The following CR1L variants were observed in gnomAD, a reference collection of about 807,000 sequenced individuals.
The protein encoded by CR1L is complement component receptor 1-like protein.
CR1L carries 59 observed loss-of-function variants against 62.3 expected under a neutral mutation model. The observed-to-expected ratio is 0.95, with a 90% CI of 0.77 to 1.18. CR1L has a LOEUF of 1.18. CR1L is among the 50% of genes most tolerant of loss of function. The probability of loss-of-function intolerance (pLI) is 0.00; values close to 1 mark genes in which losing one functional copy is unlikely to be tolerated. For missense variants in CR1L, 700 were observed against 702.8 expected (o/e 1.00, Z 0.04); for synonymous variants, 279 against 248.7 (o/e 1.12, Z -1.15).
At chr1:207,669,905 G>T (rs1663584272) in intron 1 of CR1L, among the ~76,000 whole-genome samples, 1 of 151,192 alleles carries the variant, frequency 6.6e-6, no homozygotes. Flanking sequence ...GCGTGGCGTC[G>T]ATCCTAGCGA....
chr1:207,722,690 C>T (rs530499343), intron 11 of CR1L, among the ~76,000 whole-genome samples: 4 of 152,020 alleles, frequency 2.6e-5, no homozygotes, highest in Non-Finnish European at 4.4e-5. Context: ...TATGTGAACA[C>T]CCAATAAAAA....
intron 10 of CR1L, among the ~76,000 whole-genome samples, chr1:207,711,821 C>T (rs1322349403): frequency 4.6e-5 from 7 of 151,914 alleles, no homozygotes; most frequent in Non-Finnish European, 1.0e-4. Flanking sequence ...ATCACTTGAA[C>T]CTGGGACGCG....
chr1:207,699,381 T>G, intron 8 of CR1L, 107 bp downstream of exon 8: 1 of 1,368,178 alleles, frequency 7.3e-7, no homozygotes, highest in Non-Finnish European at 1.0e-6. Flanking sequence ...ATCTGAATTA[T>G]TGATTTGAAA....
At chr1:207,661,168 G>T (rs1663414505) in intron 1 of CR1L, among the ~76,000 whole-genome samples, 2 of 152,140 alleles carry the variant, frequency 1.3e-5, no homozygotes, top group African/African-American at 4.8e-5. Flanking sequence ...GGTCTGCTTG[G>T]TGCAGAGCTG....
intron 3 of CR1L, 48 bp downstream of exon 3, chr1:207,678,345 AC>A: frequency 6.8e-7 from 1 of 1,470,016 alleles, no homozygotes; most frequent in South Asian, 1.1e-5. Flanking sequence ...AAGGGTTCTA[AC>A]ACAGCCATAC....
chr1:207,710,641 G>A lies in CR1L; in HGVS notation c.1414+2378G>A, dbSNP rs577235329. On this transcript the variant is annotated intron_variant, in intron 10 of 11. Coordinates refer to ENST00000508064, the MANE Select transcript of CR1L (RefSeq NM_175710.2). ...CAAATGTGGAAAATGGAATATTGGTGTCTGACAACAGAAGCTTATTTTCCT... is the reference window on the plus strand; with the variant it reads ...CAAATGTGGAAAATGGAATATTGGTATCTGACAACAGAAGCTTATTTTCCT... The A allele has an allele frequency of 2.3e-4, 375 of 1,610,092 alleles. 4 individuals carry two copies. The East Asian group carries it at 3.6e-3, about 16-fold the overall frequency.
chr1:207,670,834 G>T (rs1488607282), intron 1 of CR1L, among the ~76,000 whole-genome samples: 2 of 151,102 alleles, frequency 1.3e-5, no homozygotes, highest in Non-Finnish European at 2.9e-5. Context: ...GCTTACTGAG[G>T]TTCTCACAAT....
At chr1:207,677,607 A>C (rs145537753) in intron 2 of CR1L, 39 bp downstream of exon 2, 36 of 1,592,224 alleles carry the variant, frequency 2.3e-5, no homozygotes, top group Non-Finnish European at 3.1e-5. Flanking sequence ...TGTTAGTCAA[A>C]CATCTGTAAG....
chr1:207,663,258 G>T (rs1326797817), intron 1 of CR1L, among the ~76,000 whole-genome samples: 1 of 152,234 alleles, frequency 6.6e-6, no homozygotes, highest in African/African-American at 2.4e-5. Context: ...GCCTACAGAG[G>T]CAGGCAGGCC....
At chr1:207,678,338 G>T in intron 3 of CR1L, 41 bp downstream of exon 3, 1 of 1,537,768 alleles carries the variant, frequency 6.5e-7, no homozygotes, top group Non-Finnish European at 9.0e-7. Context: ...TTGGTTCAAG[G>T]GTTCTAACAC....
intron 3 of CR1L, among the ~76,000 whole-genome samples, chr1:207,682,667 G>T (rs533411341): frequency 3.4e-4 from 52 of 152,242 alleles, no homozygotes; most frequent in Non-Finnish European, 7.2e-4. Flanking sequence ...GTAAAACAAA[G>T]TTCTCAGCCA....
In CR1L at chr1:207,723,582, A is replaced by G. The variant is rs573783721; in HGVS notation, c.1643-36A>G. 1.0e-3 allele frequency: 1,513 copies of G among 1,512,918 alleles called. 30 individuals carry two copies. The South Asian group carries it at 0.017, about 17-fold the overall frequency. 93.7% of individuals were successfully genotyped at this position (1,512,918 alleles called of 1,614,324 possible). On this transcript the variant is annotated intron_variant, in intron 11 of 11. Coordinates refer to ENST00000508064, the MANE Select transcript of CR1L (RefSeq NM_175710.2). Reference sequence around the variant, plus strand: ...GTCCTGTTCAATCATGTTGCATGCCAGAGTGATGTTTTTGTGACTTTTGTC... The same window carrying G: ...GTCCTGTTCAATCATGTTGCATGCCGGAGTGATGTTTTTGTGACTTTTGTC...
intron 1 of CR1L, chr1:207,657,305 G>C: frequency 1.6e-6 from 2 of 1,220,522 alleles, no homozygotes; most frequent in South Asian, 1.2e-5. Context: ...GAATCATGCT[G>C]CTCCAGAGTG....
Position 207,645,239 on chromosome 1 carries a change from G to C in CR1L, c.6G>C (p.Ala2=). ...CGGGGTCTCCCGCGCCGCTCATGGC[G>C]CCTCCCGTCCGTCTCGAGCGTCCCT... The part of the protein sequence containing the change: M[A]PPVRLERPFP... Residue 2 remains alanine, a synonymous_variant, in exon 1 of 12, where the codon GCG becomes GCC. Transcript: ENST00000508064. 6.2e-7 allele frequency: 1 copy of C among 1,613,010 alleles called. No homozygotes were observed.
At chr1:207,699,056 G>A (rs1008230345) in intron 7 of CR1L, 133 bp from the exon 8 acceptor site, 15 of 1,092,574 alleles carry the variant, frequency 1.4e-5, no homozygotes, top group South Asian at 8.1e-5. Context: ...CCAGAATAAC[G>A]TAGCCTGTGC....
Position 207,715,268 on chromosome 1 carries a change from T to G in CR1L, c.1415-2196T>G, listed in dbSNP as rs536732136. The G allele has an allele frequency of 7.6e-6, 9 of 1,177,740 alleles. No individual in the cohort carries two copies. The South Asian group carries it at 1.1e-4, about 14-fold the overall frequency. The allele number at this position is 1,177,740 out of a possible 1,614,324, so 73.0% of individuals were successfully genotyped here. A position where few individuals can be genotyped will look rare whatever the true frequency, so the allele number is the denominator to read the frequency against. ...ATTAGTGAAGAAATCAAGGGAGAGATGGGAATTGCTCACACATTTGCTACC... is the reference window on the plus strand; with the variant it reads ...ATTAGTGAAGAAATCAAGGGAGAGAGGGGAATTGCTCACACATTTGCTACC... On this transcript the variant is annotated intron_variant, in intron 10 of 11. Transcript: ENST00000508064.
chr1:207,648,612 C>T (rs970227722), intron 1 of CR1L, among the ~76,000 whole-genome samples: 1 of 152,192 alleles, frequency 6.6e-6, no homozygotes, highest in Non-Finnish European at 1.5e-5. Context: ...AGGCCAGTCT[C>T]ATTCATTCCT....
At chr1:207,697,476 A>C (rs1664119339) in intron 5 of CR1L, 27 bp from the exon 6 acceptor site, 2 of 1,613,554 alleles carry the variant, frequency 1.2e-6, no homozygotes, top group Non-Finnish European at 1.7e-6. Flanking sequence ...TCACACAATT[A>C]GCAGTACTTT....
intron 10 of CR1L, chr1:207,711,247 T>C (rs1664353207): frequency 5.0e-6 from 1 of 201,818 alleles, no homozygotes; most frequent in African/African-American, 2.4e-5. Flanking sequence ...TTATGGCAGA[T>C]ACATAGGGAC....
Sources: gnomAD v4.1 joint callset for allele counts (sites outside exome capture counted in the v4.1 genomes callset) on GRCh38, gnomAD v4.1.1 for gene constraint, MANE v1.5 for transcripts, NCBI Gene and HGNC (gene_info 2026-07-23, HGNC 2026-07-21) for gene names.